Variants in HEATR1 observed in about 807,000 individuals in gnomAD.
The protein encoded by HEATR1 is HEAT repeat containing 1.
Under a neutral mutation model 248.2 loss-of-function variants are expected in HEATR1, and 77 were observed. The ratio of observed to expected loss-of-function variants is 0.31; its 90% CI spans 0.26 to 0.37. The LOEUF is 0.37. HEATR1 is among the 10% of genes least tolerant of loss of function. The pLI is 1.00. For synonymous variants in HEATR1, 897 were observed against 923.1 expected (o/e 0.97, Z 0.51); for missense variants, 2,420 against 2,504.9 (o/e 0.97, Z 0.72).
chr1:236,549,594 T>C lies in HEATR1; in HGVS notation c.*1308A>G, dbSNP rs1349166821. On this transcript the variant is annotated 3_prime_UTR_variant, in exon 45 of 45. Transcript: ENST00000366582. ...ATTCTTTTCCAGCTTTTCATATTAA[T>C]GTATGCAGAGTCTCACCAAGCTCAA... is the stretch of plus-strand genomic sequence containing the variant. 1.3e-5 allele frequency: 2 copies of C among 152,238 alleles called. No individual in the cohort carries two copies. The highest frequency in any genetic ancestry group is 2.9e-5 in the Non-Finnish European group (2 of 68,054). The allele number at this position is 152,238 out of a possible 1,614,324, so 9.4% of individuals were successfully genotyped here. A position where few individuals can be genotyped will look rare whatever the true frequency, so the allele number is the denominator to read the frequency against.
chr1:236,551,879 G>A, intron 44 of HEATR1, 120 bp downstream of exon 44: 1 of 693,482 alleles, frequency 1.4e-6, no homozygotes, highest in Non-Finnish European at 2.5e-6. Flanking sequence ...CCTGTATGAG[G>A]ACTGGATCAA....
At chr1:236,600,429 C>T (rs1252914523) in intron 3 of HEATR1, among the ~76,000 whole-genome samples, 1 of 151,934 alleles carries the variant, frequency 6.6e-6, no homozygotes, top group Non-Finnish European at 1.5e-5. Context: ...CCATGCCTGG[C>T]TAAGATGTTT....
intron 31 of HEATR1, 30 bp from the exon 32 acceptor site, chr1:236,564,691 C>T (rs1456216725): frequency 1.3e-6 from 2 of 1,591,756 alleles, no homozygotes; most frequent in East Asian, 2.2e-5. Context: ...AGTGACCTTA[C>T]TCATTTTCAC....
intron 3 of HEATR1, chr1:236,602,939 G>A (rs1186823622): frequency 5.6e-6 from 3 of 539,156 alleles, no homozygotes; most frequent in African/African-American, 3.8e-5. Flanking sequence ...AAACTAATGA[G>A]GTTAGACCAT....
intron 10 of HEATR1, 134 bp downstream of exon 10, chr1:236,592,389 C>T (rs1203616735): frequency 3.3e-6 from 2 of 610,516 alleles, no homozygotes; most frequent in Non-Finnish European, 5.9e-6. Flanking sequence ...TTCCGATACT[C>T]GCCCCTTCTT....
At chr1:236,604,172 G>T (rs908523359) in intron 1 of HEATR1, 45 bp from the exon 2 acceptor site, 2 of 1,456,642 alleles carry the variant, frequency 1.4e-6, no homozygotes, top group African/African-American at 2.9e-5. Flanking sequence ...GAAATTATAA[G>T]GCGCCTCGTA....
chr1:236,583,292 T>C (rs994257691), intron 17 of HEATR1, 96 bp from the exon 18 acceptor site: 4 of 1,082,844 alleles, frequency 3.7e-6, no homozygotes, highest in South Asian at 3.7e-5. Context: ...GTTTTGTTTA[T>C]GTGTGCATTT....
intron 28 of HEATR1, among the ~76,000 whole-genome samples, chr1:236,569,918 G>A (rs1310688298): frequency 1.3e-5 from 2 of 152,136 alleles, no homozygotes; most frequent in Admixed American, 6.5e-5. Flanking sequence ...ACAAAATGTG[G>A]CATACACATA....
At chr1:236,569,839 T>C (rs540220354) in intron 28 of HEATR1, among the ~76,000 whole-genome samples, 3 of 152,286 alleles carry the variant, frequency 2.0e-5, no homozygotes, top group South Asian at 2.1e-4. Flanking sequence ...ACAATATTCA[T>C]AGCAACATAA....
At chr1:236,558,149 G>C (rs1663025637) in intron 36 of HEATR1, 88 bp downstream of exon 36, 1 of 1,352,446 alleles carries the variant, frequency 7.4e-7, no homozygotes, top group Non-Finnish European at 1.0e-6. Context: ...CGTCTACTCA[G>C]AGGAAAAAAA....
At chr1:236,559,228 T>C in intron 34 of HEATR1, 93 bp from the exon 35 acceptor site, 1 of 935,540 alleles carries the variant, frequency 1.1e-6, no homozygotes, top group Non-Finnish European at 1.5e-6. Flanking sequence ...ACTGCACACC[T>C]CCAGGCACCA....
chr1:236,568,459 A>G (rs978188967), intron 29 of HEATR1, among the ~76,000 whole-genome samples: 3 of 152,188 alleles, frequency 2.0e-5, no homozygotes, highest in East Asian at 1.9e-4. Flanking sequence ...TAGATGAACA[A>G]GCTCTTTTAC....
At chr1:236,558,561 T>C in intron 35 of HEATR1, 32 bp from the exon 36 acceptor site, 1 of 1,567,430 alleles carries the variant, frequency 6.4e-7, no homozygotes, top group Admixed American at 1.9e-5. Flanking sequence ...CCCAAATCAT[T>C]AAAGCTGCAA....
At chr1:236,567,961 T>C (rs1039572123) in intron 29 of HEATR1, among the ~76,000 whole-genome samples, 1 of 152,226 alleles carries the variant, frequency 6.6e-6, no homozygotes, top group Non-Finnish European at 1.5e-5. Context: ...AATATAGTTG[T>C]TGAATAAATG....
chr1:236,589,177 A>T lies in HEATR1; in HGVS notation c.1531-1134T>A, dbSNP rs142155914. Among the ~76,000 whole-genome samples, 475 of 152,332 alleles carry T rather than the reference A, an allele frequency of 3.1e-3. 8 individuals are homozygous for T. The highest frequency in any genetic ancestry group is 0.011 in the African/African-American group (440 of 41,562). ...GGAGAGAAAGGCAGTAAAAGAAGGA[A>T]GGATGAGAATAACTTCAGAAACAGA... On this transcript the variant is annotated intron_variant, in intron 12 of 44. Transcript: ENST00000366582.
In HEATR1 at chr1:236,559,828, C is replaced by A; in HGVS notation, c.4656G>T (p.Glu1552Asp). ...CTGCACTGATATAGCCGAGAACGGT[C>A]TCCAGCAACCTGAAACACAGAGGCT... Reference protein sequence around the residue: ...ILKGLEERLLETVLGYISAVA... With the variant: ...ILKGLEERLLDTVLGYISAVA... Residue 1552 changes from glutamate (E) to aspartate (D), a missense_variant, in exon 34 of 45, where the codon GAG becomes GAT. Coordinates refer to ENST00000366582, the MANE Select transcript of HEATR1 (RefSeq NM_018072.6). 6.2e-7 allele frequency: 1 copy of A among 1,603,504 alleles called. No individual in the cohort carries two copies. The highest frequency in any genetic ancestry group is 1.1e-5 in the South Asian group (1 of 89,572).
At chr1:236,598,286 T>TTTGGTTTCTGAGCCACTATGATA (rs1664228599) in intron 4 of HEATR1, among the ~76,000 whole-genome samples, 1 of 152,224 alleles carries the variant, frequency 6.6e-6, no homozygotes, top group Non-Finnish European at 1.5e-5. Flanking sequence ...ACTGGTTCGA[T>TTTGGTTTCTGAGCCACTATGATA]TTGGTTTCTG....
At chr1:236,576,716 G>T in intron 21 of HEATR1, 64 bp downstream of exon 21, 1 of 1,433,934 alleles carries the variant, frequency 7.0e-7, no homozygotes, top group Non-Finnish European at 9.5e-7. Flanking sequence ...TGTCGAGAAT[G>T]GAGAAAATTG....
intron 20 of HEATR1, among the ~76,000 whole-genome samples, chr1:236,580,831 T>TTTTTTTTTTTGAGA (rs1168282062): frequency 6.8e-6 from 1 of 148,056 alleles, no homozygotes; most frequent in African/African-American, 2.5e-5. Flanking sequence ...TCGATTTTTT[T>TTTTTTTTTTTGAGA]TTTTTTTGAG....
Sources: gnomAD v4.1 joint callset for allele counts (sites outside exome capture counted in the v4.1 genomes callset) on GRCh38, gnomAD v4.1.1 for gene constraint, MANE v1.5 for transcripts, NCBI Gene and HGNC (gene_info 2026-07-23, HGNC 2026-07-21) for gene names.